CNTNAP2: variants seen among roughly 807,000 people sequenced by gnomAD.
The protein encoded by CNTNAP2 is contactin associated protein 2, also known as contactin-associated protein-like 2.
In CNTNAP2, 98 loss-of-function variants were observed where a neutral mutation model predicts 155.2. The ratio of observed to expected loss-of-function variants is 0.63; its 90% CI spans 0.54 to 0.75. CNTNAP2 has a LOEUF of 0.75. Ranked by LOEUF, CNTNAP2 falls within the 30% of genes least tolerant of loss-of-function variation. CNTNAP2 has a pLI of 0.00. For synonymous variants in CNTNAP2, 651 were observed against 631.2 expected, an observed-to-expected ratio of 1.03 and a Z score of -0.47; for missense variants, 1,727 against 1,688.1, an observed-to-expected ratio of 1.02 and a Z score of -0.40.
chr7:147,291,824 T>C (rs1237822201), intron 8 of CNTNAP2, among the ~76,000 whole-genome samples: 1 of 152,172 alleles, frequency 6.6e-6, no homozygotes, highest in East Asian at 1.9e-4. Flanking sequence ...CCGAAATGGG[T>C]ATAAAATTAT....
At chr7:147,630,386 A>T (rs1036430341) in intron 12 of CNTNAP2, among the ~76,000 whole-genome samples, 1 of 151,890 alleles carries the variant, frequency 6.6e-6, no homozygotes, top group Non-Finnish European at 1.5e-5. Context: ...CTGAATTCTA[A>T]CGGACATTCA....
intron 22 of CNTNAP2, among the ~76,000 whole-genome samples, chr7:148,394,571 T>TTTATC: frequency 6.6e-6 from 1 of 152,362 alleles, no homozygotes; most frequent in South Asian, 2.1e-4. Context: ...GGGATTAAGG[T>TTTATC]TTATGTATAA....
intron 10 of CNTNAP2, among the ~76,000 whole-genome samples, chr7:147,469,414 C>A (rs1453425671): frequency 6.6e-6 from 1 of 151,690 alleles, no homozygotes; most frequent in Non-Finnish European, 1.5e-5. Flanking sequence ...GCACTGTATG[C>A]CAGTGAACAA....
intron 18 of CNTNAP2, among the ~76,000 whole-genome samples, chr7:148,199,758 G>A (rs766755769): frequency 6.6e-6 from 1 of 152,242 alleles, no homozygotes; most frequent in African/African-American, 2.4e-5. Context: ...AATTGAACCA[G>A]TAGGATAGAG....
At chr7:146,677,764 T>C (rs775756356) in intron 1 of CNTNAP2, among the ~76,000 whole-genome samples, 29 of 152,124 alleles carry the variant, frequency 1.9e-4, no homozygotes, top group Non-Finnish European at 3.7e-4. Context: ...GCTTAAGCTA[T>C]TGATTAGCTA....
At chr7:146,677,876 T>C (rs10952654) in intron 1 of CNTNAP2, among the ~76,000 whole-genome samples, 109,471 of 151,758 alleles carry the variant, frequency 0.72, 40,925 homozygotes, top group South Asian at 0.9. Flanking sequence ...CAGACGTGGG[T>C]GCAGGGGTTG....
rs869125044 is a variant in CNTNAP2, at chr7:147,062,127, C to CAAAAAAAAAAAAAAA, written c.550+18102_550+18116dup. ...TGGGCGACAGAGCGAGACTCCGTCT[C>CAAAAAAAAAAAAAAA]AAAAAAAAAAAAAAAAAAAAAAAAA... On this transcript the variant is annotated intron_variant, in intron 4 of 23. Coordinates refer to ENST00000361727, the MANE Select transcript of CNTNAP2 (RefSeq NM_014141.6). Among the ~76,000 whole-genome samples the CAAAAAAAAAAAAAAA allele has an allele frequency of 2.7e-4, 12 of 44,938 alleles. 1 individual carries two copies. The highest frequency in any genetic ancestry group is 3.9e-4 in the African/African-American group (4 of 10,284). 29.5% of individuals were successfully genotyped at this position (44,938 alleles called of 152,430 possible). A position where few individuals can be genotyped will look rare whatever the true frequency, so the allele number is the denominator to read the frequency against.
intron 1 of CNTNAP2, among the ~76,000 whole-genome samples, chr7:146,450,776 C>T (rs558511032): frequency 6.6e-6 from 1 of 151,972 alleles, no homozygotes; most frequent in Non-Finnish European, 1.5e-5. Flanking sequence ...TTTTTTTCCT[C>T]TTGGAAAATT....
At chr7:147,371,839 A>T (rs1796353867) in intron 9 of CNTNAP2, among the ~76,000 whole-genome samples, 1 of 152,108 alleles carries the variant, frequency 6.6e-6, no homozygotes, top group South Asian at 2.1e-4. Context: ...ATTTTAATAA[A>T]ATATAGTCAT....
At chr7:146,566,461 C>T (rs2129145169) in intron 1 of CNTNAP2, among the ~76,000 whole-genome samples, 1 of 152,052 alleles carries the variant, frequency 6.6e-6, no homozygotes. Flanking sequence ...AGAATATTTA[C>T]CACTTTGGGA....
chr7:147,113,534 C>T (rs1800925430), intron 5 of CNTNAP2, among the ~76,000 whole-genome samples: 1 of 151,594 alleles, frequency 6.6e-6, no homozygotes, highest in African/African-American at 2.4e-5. Flanking sequence ...GGGAAGCAAA[C>T]ACATCCTTCT....
chr7:147,732,082 C>T (rs887681095), intron 13 of CNTNAP2, among the ~76,000 whole-genome samples: 1 of 151,832 alleles, frequency 6.6e-6, no homozygotes, highest in African/African-American at 2.4e-5. Context: ...TACATGTGCA[C>T]AGTGAGCAGG....
chr7:148,403,815 G>A (rs561246250), intron 22 of CNTNAP2, among the ~76,000 whole-genome samples: 5 of 152,306 alleles, frequency 3.3e-5, no homozygotes, highest in African/African-American at 1.2e-4. Context: ...GCACTCACAT[G>A]CATTAGGACA....
At chr7:146,832,852 C>A (rs572133263) in intron 2 of CNTNAP2, among the ~76,000 whole-genome samples, 2 of 151,852 alleles carry the variant, frequency 1.3e-5, no homozygotes, top group East Asian at 1.9e-4. Flanking sequence ...CCCGCCACCA[C>A]GCCTGGCAAA....
intron 11 of CNTNAP2, among the ~76,000 whole-genome samples, chr7:147,512,352 A>G (rs1385653701): frequency 6.6e-6 from 1 of 152,304 alleles, no homozygotes; most frequent in African/African-American, 2.4e-5. Flanking sequence ...AATCTTCAGT[A>G]CTAAATATTC....
At chr7:147,922,345 C>A (rs1417247789) in intron 14 of CNTNAP2, among the ~76,000 whole-genome samples, 1 of 152,136 alleles carries the variant, frequency 6.6e-6, no homozygotes, top group Non-Finnish European at 1.5e-5. Context: ...GGGAGAAATC[C>A]ATCACTGACA....
intron 10 of CNTNAP2, among the ~76,000 whole-genome samples, chr7:147,421,345 A>T (rs1354813301): frequency 6.6e-6 from 1 of 152,136 alleles, no homozygotes; most frequent in Admixed American, 6.6e-5. Context: ...TGATAGAAAA[A>T]TATTAATAGA....
intron 3 of CNTNAP2, chr7:146,916,023 A>G (rs1184308766): frequency 6.6e-6 from 1 of 152,162 alleles, no homozygotes; most frequent in African/African-American, 2.4e-5. Flanking sequence ...GATTTTAATC[A>G]TAAAAGGATG....
At chr7:147,463,321 T>A (rs540444880) in intron 10 of CNTNAP2, among the ~76,000 whole-genome samples, 47 of 152,326 alleles carry the variant, frequency 3.1e-4, no homozygotes, top group African/African-American at 1.1e-3. Flanking sequence ...TGTTACAACC[T>A]TGAACTTTTT....
Sources: allele counts gnomAD v4.1 joint callset (sites outside exome capture counted in the v4.1 genomes callset), GRCh38; gene constraint gnomAD v4.1.1; transcripts MANE v1.5; gene names NCBI Gene and HGNC (gene_info 2026-07-23, HGNC 2026-07-21).